Variants in RIMBP2 observed in about 807,000 individuals in gnomAD.
RIMBP2 encodes the protein RIMS-binding protein 2.
A neutral mutation model predicts 118.6 loss-of-function variants in RIMBP2; 48 were observed. That is an observed-to-expected ratio of 0.40 (90% CI 0.32 to 0.51). RIMBP2 has a LOEUF of 0.51. Ranked by LOEUF, RIMBP2 falls within the 20% of genes least tolerant of loss-of-function variation. The pLI, the probability that RIMBP2 is intolerant of heterozygous loss-of-function variation, is 0.41. For missense variants in RIMBP2, 1,551 were observed against 1,768.3 expected, an observed-to-expected ratio of 0.88 and a Z score of 2.20; for synonymous variants, 762 against 742.9, an observed-to-expected ratio of 1.03 and a Z score of -0.42.
At chr12:130,430,901 G>A (rs1228179793) in intron 14 of RIMBP2, among the ~76,000 whole-genome samples, 1 of 152,130 alleles carries the variant, frequency 6.6e-6, no homozygotes, top group Non-Finnish European at 1.5e-5. Flanking sequence ...AAAGTGCTGG[G>A]AATACAGGCT....
At chr12:130,497,851 G>A (rs929876431) in intron 4 of RIMBP2, among the ~76,000 whole-genome samples, 1 of 152,208 alleles carries the variant, frequency 6.6e-6, no homozygotes, top group Non-Finnish European at 1.5e-5. Flanking sequence ...GACCTAAGAG[G>A]AGGACTGACT....
intron 2 of RIMBP2, among the ~76,000 whole-genome samples, chr12:130,546,524 G>A (rs1478442225): frequency 3.9e-5 from 6 of 152,066 alleles, no homozygotes; most frequent in East Asian, 1.9e-4. Flanking sequence ...TCAAATTCCC[G>A]GCCTCAAGTG....
intron 1 of RIMBP2, among the ~76,000 whole-genome samples, chr12:130,657,393 G>A (rs2063473706): frequency 6.6e-6 from 1 of 152,160 alleles, no homozygotes; most frequent in Non-Finnish European, 1.5e-5. Flanking sequence ...ATAAAGCAGA[G>A]ATCACCCCCT....
chr12:130,458,033 C>T (rs183366555), intron 6 of RIMBP2, among the ~76,000 whole-genome samples: 6 of 151,938 alleles, frequency 3.9e-5, no homozygotes, highest in Admixed American at 2.6e-4. Context: ...TGCTGCGTCC[C>T]GGACCTGAGC....
At chr12:130,454,325 A>G (rs575807877) in intron 7 of RIMBP2, among the ~76,000 whole-genome samples, 17 of 152,392 alleles carry the variant, frequency 1.1e-4, no homozygotes, top group African/African-American at 3.6e-4. Context: ...AAACACATTC[A>G]GAGAGTGGGG....
In RIMBP2 at chr12:130,646,097, A is replaced by C. The variant is rs1193168644; in HGVS notation, c.-351-17641T>G. On this transcript the variant is annotated intron_variant, in intron 1 of 22. Transcript: ENST00000690449. Reference sequence around the variant, plus strand: ...CACCTCCCTCACCACTTCCCTCTCCACCTCCCTCTCCACCTCCCTCACCAC... The same window carrying C: ...CACCTCCCTCACCACTTCCCTCTCCCCCTCCCTCTCCACCTCCCTCACCAC... Among the ~76,000 whole-genome samples the C allele has an allele frequency of 5.9e-5, 7 of 119,280 alleles. No individual in the cohort carries two copies. In the East Asian group the frequency reaches 6.8e-4, roughly 12 times the overall value. The allele number at this position is 119,280 out of a possible 152,430, so 78.3% of individuals were successfully genotyped here. A position where few individuals can be genotyped will look rare whatever the true frequency, so the allele number is the denominator to read the frequency against.
intron 2 of RIMBP2, among the ~76,000 whole-genome samples, chr12:130,615,198 CAT>C (rs1448559514): frequency 7.0e-6 from 1 of 142,336 alleles, no homozygotes; most frequent in Non-Finnish European, 1.5e-5. Flanking sequence ...AATATTACAA[CAT>C]ATACATCATA....
chr12:130,677,943 C>T (rs774228744), intron 1 of RIMBP2, among the ~76,000 whole-genome samples: 5 of 152,282 alleles, frequency 3.3e-5, no homozygotes, highest in Admixed American at 6.5e-5. Flanking sequence ...AGGCACCCCT[C>T]CTCCACCTGG....
rs1217185077 is a variant in RIMBP2 at position 130,421,694 on chromosome 12, T to TGTGTGTGTGTGTG, written c.3238+746_3238+758dup. 6.6e-5 allele frequency among the ~76,000 whole-genome samples: 5 copies of TGTGTGTGTGTGTG among 75,880 alleles called. No individual in the cohort carries two copies. In the Middle Eastern group the frequency reaches 0.017, roughly 253 times the overall value. The allele number at this position is 75,880 out of a possible 152,430, so 49.8% of individuals were successfully genotyped here. On this transcript the variant is annotated intron_variant, in intron 17 of 22. Coordinates refer to ENST00000690449, the MANE Select transcript of RIMBP2 (RefSeq NM_001393629.1). The stretch of plus-strand genomic sequence containing the variant: ...CAAGAGTTCTCCCTGCATTTATATG[T>TGTGTGTGTGTGTG]GTGTGTGTGTGTGTGTGTGTGTGTG...
At chr12:130,612,025 A>G (rs760126886) in intron 2 of RIMBP2, among the ~76,000 whole-genome samples, 10 of 152,206 alleles carry the variant, frequency 6.6e-5, no homozygotes, top group Admixed American at 1.3e-4. Flanking sequence ...TTTGCCCTGA[A>G]GAGCCCGCAG....
intron 1 of RIMBP2, among the ~76,000 whole-genome samples, chr12:130,636,348 A>G (rs952594411): frequency 2.0e-5 from 3 of 152,166 alleles, no homozygotes; most frequent in African/African-American, 7.2e-5. Context: ...GGTGGTCCTC[A>G]CAGAACTAGA....
intron 17 of RIMBP2, among the ~76,000 whole-genome samples, chr12:130,418,388 G>A (rs2076223742): frequency 6.6e-6 from 1 of 152,166 alleles, no homozygotes. Flanking sequence ...AGCGCTCCAT[G>A]GCCTCTACAA....
intron 17 of RIMBP2, among the ~76,000 whole-genome samples, chr12:130,417,201 T>C (rs1470718822): frequency 2.0e-5 from 3 of 152,298 alleles, no homozygotes; most frequent in East Asian, 1.9e-4. Context: ...TTGGAGAACT[T>C]AGAACTACCA....
chr12:130,568,232 G>A (rs114744302), intron 2 of RIMBP2, among the ~76,000 whole-genome samples: 1,825 of 152,266 alleles, frequency 0.012, 27 homozygotes, highest in African/African-American at 0.041. Context: ...TTGCAAGAGG[G>A]GAGACCCAGG....
chr12:130,415,063 A>G (rs866128315), intron 17 of RIMBP2, among the ~76,000 whole-genome samples: 1 of 152,212 alleles, frequency 6.6e-6, no homozygotes, highest in Non-Finnish European at 1.5e-5. Flanking sequence ...TGAAGCCAAC[A>G]TCACCCTGAT....
At chr12:130,602,549 T>C (rs1364607992) in intron 2 of RIMBP2, among the ~76,000 whole-genome samples, 1 of 152,230 alleles carries the variant, frequency 6.6e-6, no homozygotes, top group Non-Finnish European at 1.5e-5. Flanking sequence ...CCCCAGGGAC[T>C]CCTGTAAGCG....
At chr12:130,711,180 C>G (rs902079799) in intron 1 of RIMBP2, among the ~76,000 whole-genome samples, 1 of 152,126 alleles carries the variant, frequency 6.6e-6, no homozygotes, top group Non-Finnish European at 1.5e-5. Flanking sequence ...GAGGCGGAGG[C>G]TGCAGTGAGC....
In RIMBP2 at chr12:130,424,086, G is replaced by A; in HGVS notation, c.3129+56C>T. 1 of 946,412 alleles carries A rather than the reference G, an allele frequency of 1.1e-6. No homozygotes were observed. The allele number at this position is 946,412 out of a possible 1,614,324, so 58.6% of individuals were successfully genotyped here. A position where few individuals can be genotyped will look rare whatever the true frequency, so the allele number is the denominator to read the frequency against. On this transcript the variant is annotated intron_variant, in intron 16 of 22. Transcript: ENST00000690449. This position sits in a 1 kb window ranked among gnomAD's most constrained non-coding sequence, Gnocchi z 9.8. ...CAGAACAAACAGAAAACCAGTGAAAGGATGGGACAGATTGGTTTGGCAAGC... is the reference window on the plus strand; with the variant it reads ...CAGAACAAACAGAAAACCAGTGAAAAGATGGGACAGATTGGTTTGGCAAGC...
chr12:130,611,903 G>C (rs898309030), intron 2 of RIMBP2, among the ~76,000 whole-genome samples: 1 of 152,196 alleles, frequency 6.6e-6, no homozygotes, highest in African/African-American at 2.4e-5. Flanking sequence ...CTAAGAAGTT[G>C]CTTTGCAAGT....
Sources: allele counts gnomAD v4.1 joint callset (sites outside exome capture counted in the v4.1 genomes callset), GRCh38; gene constraint gnomAD v4.1.1; non-coding constraint Gnocchi (gnomAD v3.1); transcripts MANE v1.5; gene names NCBI Gene and HGNC (gene_info 2026-07-23, HGNC 2026-07-21).